CTNNA3: variants seen among roughly 807,000 people sequenced by gnomAD.
CTNNA3 encodes catenin alpha 3.
CTNNA3 carries 76 observed loss-of-function variants against 95.7 expected under a neutral mutation model. The ratio of observed to expected loss-of-function variants is 0.79; its 90% CI spans 0.66 to 0.96. The LOEUF (loss-of-function observed/expected upper bound fraction) is 0.96, where lower values mean the gene tolerates loss of function less well. Ranked by LOEUF, CTNNA3 falls within the 40% of genes least tolerant of loss-of-function variation. CTNNA3 has a pLI of 0.00. For synonymous variants in CTNNA3, 431 were observed against 374.4 expected (o/e 1.15, Z -1.74); for missense variants, 1,191 against 1,089.8 (o/e 1.09, Z -1.31).
intron 11 of CTNNA3, among the ~76,000 whole-genome samples, chr10:66,413,769 C>T (rs1405624440): frequency 6.6e-6 from 1 of 152,156 alleles, no homozygotes; most frequent in Non-Finnish European, 1.5e-5. Context: ...GAGTGTCCCA[C>T]AAAGGAAAGT....
intron 13 of CTNNA3, among the ~76,000 whole-genome samples, chr10:66,272,653 G>GTAAAAA (rs397782017): frequency 6.6e-6 from 1 of 151,674 alleles, no homozygotes; most frequent in Non-Finnish European, 1.5e-5. Flanking sequence ...GCACTTAAAA[G>GTAAAAA]GCAGTATAAT....
chr10:66,701,732 A>G (rs1037076726), intron 9 of CTNNA3, among the ~76,000 whole-genome samples: 3 of 152,152 alleles, frequency 2.0e-5, no homozygotes, highest in African/African-American at 7.2e-5. Flanking sequence ...GAGTTCTAGT[A>G]AGTAGTAGAG....
chr10:66,742,629 T>G (rs951109872), intron 9 of CTNNA3, among the ~76,000 whole-genome samples: 7 of 152,164 alleles, frequency 4.6e-5, no homozygotes, highest in African/African-American at 1.4e-4. Context: ...CTTTAAAATT[T>G]ATCTCTTTTG....
intron 9 of CTNNA3, among the ~76,000 whole-genome samples, chr10:66,655,723 G>A (rs1312752197): frequency 6.6e-6 from 1 of 152,058 alleles, no homozygotes; most frequent in Non-Finnish European, 1.5e-5. Flanking sequence ...GGTGAAGCGG[G>A]TGAAAGCACT....
intron 1 of CTNNA3, among the ~76,000 whole-genome samples, chr10:67,703,436 T>G (rs1007305722): frequency 6.6e-6 from 1 of 152,052 alleles, no homozygotes; most frequent in Non-Finnish European, 1.5e-5. Flanking sequence ...CATGATCAAG[T>G]GGGCTTCATC....
intron 9 of CTNNA3, among the ~76,000 whole-genome samples, chr10:66,643,293 G>A (rs950125324): frequency 2.0e-5 from 3 of 152,092 alleles, no homozygotes; most frequent in Non-Finnish European, 4.4e-5. Flanking sequence ...TGAATTCAAT[G>A]TATCTTGTAC....
intron 1 of CTNNA3, among the ~76,000 whole-genome samples, chr10:67,742,312 C>G (rs147734854): frequency 6.6e-6 from 1 of 151,194 alleles, no homozygotes; most frequent in Non-Finnish European, 1.5e-5. Flanking sequence ...TCTCAGACCA[C>G]GGTGCAATCA....
chr10:66,663,819 T>C (rs4745910), intron 9 of CTNNA3, among the ~76,000 whole-genome samples: 99,013 of 151,454 alleles, frequency 0.65, 33,155 homozygotes, highest in East Asian at 0.95. Context: ...ATGCAGAAAC[T>C]TCTGCATACT....
At chr10:67,603,110 G>A (rs757256614) in intron 3 of CTNNA3, among the ~76,000 whole-genome samples, 2 of 152,116 alleles carry the variant, frequency 1.3e-5, no homozygotes, top group Middle Eastern at 3.2e-3. Context: ...TGTCATGAAC[G>A]AGAGGTGCTC....
At chr10:67,081,315 A>G (rs899689654) in intron 7 of CTNNA3, among the ~76,000 whole-genome samples, 3 of 152,220 alleles carry the variant, frequency 2.0e-5, no homozygotes, top group Admixed American at 6.5e-5. Flanking sequence ...AAATATGTAG[A>G]AAAAGAAAGG....
chr10:67,324,469 A>T (rs1841459494), intron 5 of CTNNA3, among the ~76,000 whole-genome samples: 2 of 152,156 alleles, frequency 1.3e-5, no homozygotes, highest in African/African-American at 2.4e-5. Context: ...TTTATCAAAA[A>T]GCCTTTTCTG....
At chr10:66,366,733 G>C (rs2092713437) in intron 12 of CTNNA3, among the ~76,000 whole-genome samples, 1 of 151,932 alleles carries the variant, frequency 6.6e-6, no homozygotes, top group Admixed American at 6.6e-5. Context: ...GAACTGAGAT[G>C]GTCTAATTAT....
At chr10:66,911,809 A>G (rs1311935941) in intron 7 of CTNNA3, among the ~76,000 whole-genome samples, 1 of 152,172 alleles carries the variant, frequency 6.6e-6, no homozygotes, top group African/African-American at 2.4e-5. Context: ...CTTGTAAGCC[A>G]CTTGAAATTA....
chr10:67,394,925 G>A (rs1342020489), intron 5 of CTNNA3, among the ~76,000 whole-genome samples: 1 of 151,928 alleles, frequency 6.6e-6, no homozygotes, highest in Non-Finnish European at 1.5e-5. Context: ...TATGCCCAAA[G>A]ATGTCAAAAA....
intron 9 of CTNNA3, among the ~76,000 whole-genome samples, chr10:66,685,929 C>T (rs1160108649): frequency 6.6e-6 from 1 of 152,108 alleles, no homozygotes; most frequent in African/African-American, 2.4e-5. Flanking sequence ...TAGAGATGCA[C>T]AAAATCCCTC....
At chr10:67,127,628 T>G (rs2132010114) in intron 7 of CTNNA3, among the ~76,000 whole-genome samples, 1 of 152,256 alleles carries the variant, frequency 6.6e-6, no homozygotes, top group Non-Finnish European at 1.5e-5. Flanking sequence ...GTCATAACAT[T>G]GAGAATATAA....
intron 12 of CTNNA3, among the ~76,000 whole-genome samples, chr10:66,320,891 C>T (rs2092174769): frequency 6.6e-6 from 1 of 151,890 alleles, no homozygotes. Flanking sequence ...TTCTTTTGGC[C>T]AAGAAATGTG....
At chr10:66,615,026 A>C (rs558635170) in intron 10 of CTNNA3, among the ~76,000 whole-genome samples, 1 of 152,052 alleles carries the variant, frequency 6.6e-6, no homozygotes, top group East Asian at 1.9e-4. Flanking sequence ...GTCAAGGTAC[A>C]CCCTATTTTG....
At chr10:66,551,138 A>C (rs549784947) in intron 10 of CTNNA3, among the ~76,000 whole-genome samples, 3 of 152,118 alleles carry the variant, frequency 2.0e-5, no homozygotes, top group African/African-American at 7.2e-5. Context: ...CCTTTCCTTT[A>C]GCCTTTTGTT....
Sources: gnomAD v4.1 joint callset for allele counts (sites outside exome capture counted in the v4.1 genomes callset) on GRCh38, gnomAD v4.1.1 for gene constraint, MANE v1.5 for transcripts, NCBI Gene and HGNC (gene_info 2026-07-23, HGNC 2026-07-21) for gene names.